ALMS1: variants seen among roughly 807,000 people sequenced by gnomAD.
ALMS1 encodes centrosome-associated protein ALMS1.
ALMS1 carries 271 observed loss-of-function variants against 352.2 expected under a neutral mutation model. That is an observed-to-expected ratio of 0.77 (90% CI 0.70 to 0.85). ALMS1 has a LOEUF of 0.85. Ranked by LOEUF, ALMS1 falls within the 40% of genes least tolerant of loss-of-function variation. The pLI, the probability that ALMS1 is intolerant of heterozygous loss-of-function variation, is 0.00. For synonymous variants in ALMS1, 1,865 were observed against 1,761.2 expected, an observed-to-expected ratio of 1.06 and a Z score of -1.48; for missense variants, 5,445 against 4,870.7, an observed-to-expected ratio of 1.12 and a Z score of -3.51.
downstream of ALMS1, chr2:73,609,917 C>T (rs886370674): frequency 8.0e-6 from 3 of 373,528 alleles, no homozygotes; most frequent in African/African-American, 6.2e-5. Flanking sequence ...TTTAGATTAA[C>T]TCATAGTAAA....
Position 73,452,723 on chromosome 2 carries a change from G to C in ALMS1, c.6196G>C (p.Asp2066His), listed in dbSNP as rs1312217916. 6.2e-7 allele frequency: 1 copy of C among 1,613,516 alleles called. No homozygotes were observed. Among genetic ancestry groups the C allele is most frequent in the Non-Finnish European group, 8.5e-7 (1 of 1,179,986 alleles). Reference protein sequence around the residue: ...ILFQQQLPDRDQSKGILKISA... With the variant: ...ILFQQQLPDRHQSKGILKISA... ...ATTTCAACAGCAGTTGCCAGATAGAGATCAAAGTAAAGGTATTCTAAAGAT... is the reference window on the plus strand; with the variant it reads ...ATTTCAACAGCAGTTGCCAGATAGACATCAAAGTAAAGGTATTCTAAAGAT... The change falls in exon 8 of 23, where the codon GAT becomes CAT. Residue 2066 changes from aspartate (D) to histidine (H), a missense_variant. Transcript: ENST00000613296.
intron 9 of ALMS1, among the ~76,000 whole-genome samples, chr2:73,465,247 G>T (rs1389170930): frequency 2.6e-5 from 4 of 151,896 alleles, no homozygotes; most frequent in African/African-American, 9.7e-5. Context: ...ATACTACAAG[G>T]CTACAGTAAC....
intron 10 of ALMS1, among the ~76,000 whole-genome samples, chr2:73,506,969 T>TA (rs1673340824): frequency 6.6e-6 from 1 of 152,214 alleles, no homozygotes; most frequent in Admixed American, 6.5e-5. Flanking sequence ...CCTAGTTTAT[T>TA]GAGTGTTTTT....
chr2:73,542,012 A>T (rs1396275607), intron 12 of ALMS1, among the ~76,000 whole-genome samples: 3 of 152,318 alleles, frequency 2.0e-5, no homozygotes, highest in South Asian at 2.1e-4. Context: ...TCCCTAACTC[A>T]TTTTATGAGG....
chr2:73,432,679 G>A (rs1671524411), intron 7 of ALMS1, among the ~76,000 whole-genome samples: 1 of 151,846 alleles, frequency 6.6e-6, no homozygotes, highest in Admixed American at 6.6e-5. Context: ...TGTGGCCTGT[G>A]TCCTCATGAT....
At chr2:73,474,407 G>C (rs1728535) in intron 9 of ALMS1, among the ~76,000 whole-genome samples, 432 of 37,504 alleles carry the variant, frequency 0.012, 3 homozygotes, top group East Asian at 0.059. Context: ...GTGTGTGTGT[G>C]TGTCTATTGG....
intron 16 of ALMS1, among the ~76,000 whole-genome samples, chr2:73,586,242 T>C (rs1451216186): frequency 1.3e-5 from 2 of 152,216 alleles, no homozygotes; most frequent in Non-Finnish European, 2.9e-5. Context: ...ATTATTTCTT[T>C]TGATGTGCAG....
Position 73,455,195 on chromosome 2 carries a change from G to C in ALMS1, c.7574G>C (p.Cys2525Ser). 1.9e-6 allele frequency: 3 copies of C among 1,613,332 alleles called. No individual in the cohort carries two copies. Among genetic ancestry groups the C allele is most frequent in the Non-Finnish European group, 2.5e-6 (3 of 1,179,736 alleles). ...WNMKFNLAHDCGYSISELNED... is the reference protein window; with the variant it reads ...WNMKFNLAHDSGYSISELNED... Reference sequence around the variant, plus strand: ...ATGAAGTTCAATTTAGCACATGATTGTGGATACTCCATTTCAGAATTAAAT... The same window carrying C: ...ATGAAGTTCAATTTAGCACATGATTCTGGATACTCCATTTCAGAATTAAAT... The change falls in exon 9 of 23, where the codon TGT becomes TCT. Residue 2525 changes from cysteine to serine, a missense_variant. Coordinates refer to ENST00000613296, the MANE Select transcript of ALMS1 (RefSeq NM_001378454.1).
At chr2:73,499,138 T>C (rs1673169323) in intron 10 of ALMS1, among the ~76,000 whole-genome samples, 1 of 152,218 alleles carries the variant, frequency 6.6e-6, no homozygotes, top group African/African-American at 2.4e-5. Flanking sequence ...ATAAGCCATT[T>C]TAACTGGGGT....
chr2:73,543,908 C>T (rs1391302184), intron 12 of ALMS1, among the ~76,000 whole-genome samples: 1 of 152,186 alleles, frequency 6.6e-6, no homozygotes, highest in Non-Finnish European at 1.5e-5. Context: ...CACTTTTACA[C>T]TGTTGGTGGG....
intron 21 of ALMS1, among the ~76,000 whole-genome samples, chr2:73,605,463 A>G (rs1035042126): frequency 7.9e-5 from 12 of 152,272 alleles, no homozygotes; most frequent in African/African-American, 1.9e-4. Context: ...CATTCAAATA[A>G]TGAAAGATAG....
At chr2:73,609,545 C>T (rs2104219306) in intron 22 of ALMS1, 23 bp from the exon 23 acceptor site, 3 of 1,613,542 alleles carry the variant, frequency 1.9e-6, no homozygotes, top group Non-Finnish European at 2.5e-6. Context: ...TAACTTCTTT[C>T]CTGCCTTTCT....
At chr2:73,584,510 G>C (rs556998004) in intron 16 of ALMS1, among the ~76,000 whole-genome samples, 1 of 152,094 alleles carries the variant, frequency 6.6e-6, no homozygotes, top group African/African-American at 2.4e-5. Flanking sequence ...TTATGTACCA[G>C]AACAACAACT....
chr2:73,581,425 A>G (rs1485129356), intron 16 of ALMS1, among the ~76,000 whole-genome samples: 1 of 152,232 alleles, frequency 6.6e-6, no homozygotes, highest in Non-Finnish European at 1.5e-5. Flanking sequence ...AGGTACCTAC[A>G]TCAGGACCAA....
At chr2:73,392,467 T>C (rs1670670441) in intron 1 of ALMS1, among the ~76,000 whole-genome samples, 1 of 152,214 alleles carries the variant, frequency 6.6e-6, no homozygotes, top group Non-Finnish European at 1.5e-5. Context: ...TTTTAGAACA[T>C]TTTATCACTT....
intron 16 of ALMS1, among the ~76,000 whole-genome samples, chr2:73,584,797 C>A (rs138090738): frequency 5.3e-5 from 8 of 152,146 alleles, no homozygotes; most frequent in Middle Eastern, 3.4e-3. Context: ...ACCCTTCCCC[C>A]CTAAGTTCCC....
chr2:73,601,024 A>C, intron 18 of ALMS1, 143 bp downstream of exon 18: 1 of 1,398,246 alleles, frequency 7.2e-7, no homozygotes, highest in Non-Finnish European at 9.8e-7. Flanking sequence ...AGAGTCCAGC[A>C]TGGCAGTTAC....
At chr2:73,495,296 G>A (rs759247056) in intron 10 of ALMS1, among the ~76,000 whole-genome samples, 13 of 152,012 alleles carry the variant, frequency 8.6e-5, no homozygotes, top group Admixed American at 2.6e-4. Context: ...GTGCAGTGGC[G>A]TGATCTTGGC....
Position 73,453,660 on chromosome 2 carries a change from T to C in ALMS1, c.7133T>C (p.Leu2378Pro), listed in dbSNP as rs774543639. The change falls in exon 8 of 23, where the codon CTT becomes CCT. Residue 2378 changes from leucine (L) to proline (P), a missense_variant. By Grantham distance (98) the Leu-to-Pro change is moderately conservative. Transcript: ENST00000613296. ...SKVSMALEET[L>P]RQYQAAKSVM... is the part of the protein sequence containing the mutation. ...GTCAGTATGGCATTAGAAGAAACTC[T>C]TAGGCAATATCAAGCAGCCAAATCT... 1 of 1,614,080 alleles carries C rather than the reference T, an allele frequency of 6.2e-7. No homozygotes were observed. Among genetic ancestry groups the C allele is most frequent in the South Asian group, 1.1e-5 (1 of 91,082 alleles).
Sources: allele counts gnomAD v4.1 joint callset (sites outside exome capture counted in the v4.1 genomes callset), GRCh38; gene constraint gnomAD v4.1.1; transcripts MANE v1.5; gene names NCBI Gene and HGNC (gene_info 2026-07-23, HGNC 2026-07-21).